DYNC1H1: variants seen among roughly 807,000 people sequenced by gnomAD.
The protein encoded by DYNC1H1 is dynein cytoplasmic 1 heavy chain 1, also known as cytoplasmic dynein 1 heavy chain 1.
DYNC1H1 carries 51 observed loss-of-function variants against 527.1 expected under a neutral mutation model. The observed-to-expected ratio is 0.10, with a 90% CI of 0.08 to 0.12. The LOEUF (loss-of-function observed/expected upper bound fraction) is 0.12. Ranked by LOEUF, DYNC1H1 falls within the 10% of genes least tolerant of loss-of-function variation. The pLI is 1.00. For missense variants in DYNC1H1, 2,771 were observed against 5,971.8 expected (o/e 0.46, Z 17.66); for synonymous variants, 2,189 against 2,278.8 (o/e 0.96, Z 1.12).
intron 16 of DYNC1H1, among the ~76,000 whole-genome samples, chr14:101,998,647 T>C (rs1259102210): frequency 6.6e-6 from 1 of 152,172 alleles, no homozygotes; most frequent in African/African-American, 2.4e-5. Flanking sequence ...AATTGTCCCA[T>C]CCTGCCTGTA....
intron 63 of DYNC1H1, 90 bp from the exon 64 acceptor site, chr14:102,040,508 T>C (rs2048635542): frequency 2.5e-6 from 4 of 1,612,386 alleles, no homozygotes; most frequent in African/African-American, 1.3e-5. Flanking sequence ...ATGTTGTGTC[T>C]GCGCTCTCGC....
Position 102,015,408 on chromosome 14 carries a change from C to A in DYNC1H1, c.7242+76C>A. On this transcript the variant is annotated intron_variant, in intron 35 of 77. Transcript: ENST00000360184. The surrounding 1 kb of genome is among the most constrained non-coding windows in gnomAD (Gnocchi z 6.9). ...TCAGATGTGGTCTCGCTGTGTTGCC[C>A]ACGCTGGTCTTGAACTCCTGGGCCC... is the stretch of plus-strand genomic sequence containing the variant. The A allele has an allele frequency of 6.7e-7, 1 of 1,481,714 alleles. No individual in the cohort carries two copies. The highest frequency in any genetic ancestry group is 1.3e-5 in the South Asian group (1 of 76,308). 91.8% of individuals were successfully genotyped at this position (1,481,714 alleles called of 1,614,324 possible). A position where few individuals can be genotyped will look rare whatever the true frequency, so the allele number is the denominator to read the frequency against.
In DYNC1H1 at chr14:102,005,742, A is replaced by G. The variant is rs2141289457; in HGVS notation, c.5434-146A>G. On this transcript the variant is annotated intron_variant, in intron 26 of 77. Transcript: ENST00000360184. The surrounding 1 kb of genome is among the most constrained non-coding windows in gnomAD (Gnocchi z 4.0). ...TGAGTAACATTTCTCTCATCTCTGAAAGTGAATTTGCCTTTTGGAACATTT... is the reference window on the plus strand; with the variant it reads ...TGAGTAACATTTCTCTCATCTCTGAGAGTGAATTTGCCTTTTGGAACATTT... The G allele has an allele frequency of 1.1e-6, 1 of 941,860 alleles. No individual in the cohort carries two copies. The allele number at this position is 941,860 out of a possible 1,614,324, so 58.3% of individuals were successfully genotyped here.
rs377355880 is a variant in DYNC1H1, at chr14:102,041,761, C to T, written c.12102+27C>T. ...TAATGTCCTGGTACAGCCCGGGCTT[C>T]CCACGAGACTCCATGCCCACCTCCC... On this transcript the variant is annotated intron_variant, in intron 65 of 77. Transcript: ENST00000360184. This position sits in a 1 kb window ranked among gnomAD's most constrained non-coding sequence, Gnocchi z 4.5. 12 of 1,613,426 alleles carry T rather than the reference C, an allele frequency of 7.4e-6. No homozygotes were observed. The African/African-American group carries it at 1.6e-4, about 22-fold the overall frequency.
At chr14:102,024,072 G>T (rs1312265307) in intron 43 of DYNC1H1, among the ~76,000 whole-genome samples, 1 of 152,214 alleles carries the variant, frequency 6.6e-6, no homozygotes, top group Non-Finnish European at 1.5e-5. Flanking sequence ...TTCTGTGTGA[G>T]GGTCGAGCCA....
Position 102,044,532 on chromosome 14 carries a change from A to C in DYNC1H1, c.12902+41A>C, listed in dbSNP as rs755300427. On this transcript the variant is annotated intron_variant, in intron 71 of 77. Transcript: ENST00000360184. The surrounding 1 kb of genome is among the most constrained non-coding windows in gnomAD (Gnocchi z 7.1). ...CTGGAATGGAGACAGTTGTGATGTC[A>C]GGGCGTCTGGTGTCACTCAGAGGTG... 1 of 1,614,106 alleles carries C rather than the reference A, an allele frequency of 6.2e-7. No individual in the cohort carries two copies. Among genetic ancestry groups the C allele is most frequent in the Non-Finnish European group, 8.5e-7 (1 of 1,179,984 alleles).
rs775651372 is a variant in DYNC1H1, at chr14:101,986,509, C to G, written c.2284C>G (p.Leu762Val). 1 of 1,614,206 alleles carries G rather than the reference C, an allele frequency of 6.2e-7. No individual in the cohort carries two copies. The highest frequency in any genetic ancestry group is 1.7e-5 in the Admixed American group (1 of 60,018). The stretch of plus-strand genomic sequence containing the variant: ...CAAATGGCTTGGTTTCCGCGTCCCA[C>G]TGGCGATTGTGAACAAAGCCCATCA... The part of the protein sequence containing the change: ...NLKWLGFRVP[L>V]AIVNKAHQAN... The change falls in exon 8 of 78, where the codon CTG (leucine) becomes GTG (valine). Residue 762 changes from leucine (L) to valine (V), a missense_variant. Leu to Val is a conservative substitution (Grantham distance 32). Coordinates refer to ENST00000360184, the MANE Select transcript of DYNC1H1 (RefSeq NM_001376.5). This position sits in a 1 kb window ranked among gnomAD's most constrained non-coding sequence, Gnocchi z 8.7.
rs145584709 is a variant in DYNC1H1 at position 101,975,890 on chromosome 14, C to A, written c.344+91C>A. ...TTCTTTTCAAACTCAGAAATTCTTA[C>A]TAAGAGAATTAATATAAATCTTTTT... On this transcript the variant is annotated intron_variant, in intron 2 of 77. Transcript: ENST00000360184. 3.5e-4 allele frequency: 354 copies of A among 1,009,224 alleles called. 1 individual carries two copies. In the African/African-American group the frequency reaches 5.3e-3, roughly 15 times the overall value. The allele number at this position is 1,009,224 out of a possible 1,614,324, so 62.5% of individuals were successfully genotyped here. A position where few individuals can be genotyped will look rare whatever the true frequency, so the allele number is the denominator to read the frequency against.
At position 102,017,300 on chromosome 14, in the gene DYNC1H1, T is replaced by A. The variant is rs766505305; in HGVS notation, c.8055+6T>A. On this transcript the variant is annotated splice_donor_region_variant and intron_variant, in intron 39 of 77. Coordinates refer to ENST00000360184, the MANE Select transcript of DYNC1H1 (RefSeq NM_001376.5). This position sits in a 1 kb window ranked among gnomAD's most constrained non-coding sequence, Gnocchi z 4.6. ...TCATATCCTTCATCAGACAGGTTTG[T>A]TTCTATCCACAAGGCCCTTCCTGCC... 6.8e-6 allele frequency: 11 copies of A among 1,614,234 alleles called. No individual in the cohort carries two copies. Among genetic ancestry groups the A allele is most frequent in the Non-Finnish European group, 9.3e-6 (11 of 1,180,038 alleles).
chr14:102,007,472 GA>G (rs1199937137), intron 28 of DYNC1H1, among the ~76,000 whole-genome samples: 1 of 152,166 alleles, frequency 6.6e-6, no homozygotes, highest in Non-Finnish European at 1.5e-5. Flanking sequence ...TTGTCATTGA[GA>G]TTTTTTTGGC....
rs577383998 is a variant in DYNC1H1, at chr14:102,002,461, G to A, written c.4543-76G>A. ...ATTACTTCATGAGATCCTGATCTGCGCTTTTTCAGTGAGTTTTGGCATATC... is the reference window on the plus strand; with the variant it reads ...ATTACTTCATGAGATCCTGATCTGCACTTTTTCAGTGAGTTTTGGCATATC... On this transcript the variant is annotated intron_variant, in intron 21 of 77. Coordinates refer to ENST00000360184, the MANE Select transcript of DYNC1H1 (RefSeq NM_001376.5). The surrounding 1 kb of genome is among the most constrained non-coding windows in gnomAD (Gnocchi z 4.4). The A allele has an allele frequency of 1.8e-5, 29 of 1,583,356 alleles. No individual in the cohort carries two copies. Among genetic ancestry groups the A allele is most frequent in the Middle Eastern group, 1.9e-4 (1 of 5,220 alleles).
Position 102,033,258 on chromosome 14 carries a change from G to T in DYNC1H1, c.10198-11G>T. Reference sequence around the variant, plus strand: ...TCACTTAAATAACAGTTATCAATTGGTTCTTCCCAGCTTAACTATGCAGAC... The same window carrying T: ...TCACTTAAATAACAGTTATCAATTGTTTCTTCCCAGCTTAACTATGCAGAC... On this transcript the variant is annotated splice_polypyrimidine_tract_variant and intron_variant, in intron 53 of 77. Transcript: ENST00000360184. The surrounding 1 kb of genome is among the most constrained non-coding windows in gnomAD (Gnocchi z 5.6). 1 of 1,614,162 alleles carries T rather than the reference G, an allele frequency of 6.2e-7. No individual in the cohort carries two copies. The highest frequency in any genetic ancestry group is 8.5e-7 in the Non-Finnish European group (1 of 1,180,030).
rs2048801270 is a variant in DYNC1H1 at position 102,050,917 on chromosome 14, C to T, written c.*354C>T. 1 of 362,644 alleles carries T rather than the reference C, an allele frequency of 2.8e-6. No homozygotes were observed. The highest frequency in any genetic ancestry group is 2.1e-5 in the African/African-American group (1 of 47,292). The allele number at this position is 362,644 out of a possible 1,614,324, so 22.5% of individuals were successfully genotyped here. The stretch of plus-strand genomic sequence containing the variant: ...CCACCTCGCTTTCATCATGAGCTCG[C>T]TCCCGAGCGGCCACAGCACTCATGA... On this transcript the variant is annotated 3_prime_UTR_variant, in exon 78 of 78. Transcript: ENST00000360184.
In DYNC1H1 at chr14:102,005,825, C is replaced by T; in HGVS notation, c.5434-63C>T. ...CAATTTCAGTTTAACAGTCCACAAACCCGGAGAATGCACTGTATTGCTTTA... is the reference window on the plus strand; with the variant it reads ...CAATTTCAGTTTAACAGTCCACAAATCCGGAGAATGCACTGTATTGCTTTA... On this transcript the variant is annotated intron_variant, in intron 26 of 77. Transcript: ENST00000360184. This position sits in a 1 kb window ranked among gnomAD's most constrained non-coding sequence, Gnocchi z 4.0. 1 of 1,603,686 alleles carries T rather than the reference C, an allele frequency of 6.2e-7. No homozygotes were observed. The highest frequency in any genetic ancestry group is 8.5e-7 in the Non-Finnish European group (1 of 1,171,584).
intron 11 of DYNC1H1, 117 bp downstream of exon 11, chr14:101,991,790 GA>G: frequency 6.9e-7 from 1 of 1,447,742 alleles, no homozygotes; most frequent in Non-Finnish European, 9.5e-7. Flanking sequence ...ACAAACTCCA[GA>G]CATCCCAGGG....
chr14:102,044,124 G>C lies in DYNC1H1; in HGVS notation c.12684+79G>C, dbSNP rs1595633160. On this transcript the variant is annotated intron_variant, in intron 70 of 77. Transcript: ENST00000360184. The surrounding 1 kb of genome is among the most constrained non-coding windows in gnomAD (Gnocchi z 7.1). ...TGCAGGGCGTGGTGCTGAGAGGCCA[G>C]ACTCTGCGTGGAAGAGCGAGCTGAC... 6.3e-7 allele frequency: 1 copy of C among 1,594,926 alleles called. No homozygotes were observed. Among genetic ancestry groups the C allele is most frequent in the African/African-American group, 1.3e-5 (1 of 74,598 alleles).
At chr14:101,992,933 T>A (rs948645451) in intron 11 of DYNC1H1, among the ~76,000 whole-genome samples, 3 of 152,298 alleles carry the variant, frequency 2.0e-5, no homozygotes, top group African/African-American at 7.2e-5. Context: ...TCCTGTGCAC[T>A]CTCATTGTGG....
At position 102,050,576 on chromosome 14, in the gene DYNC1H1, G is replaced by T. The variant is rs750346749; in HGVS notation, c.*13G>T. The T allele has an allele frequency of 1.2e-6, 2 of 1,614,146 alleles. No individual in the cohort carries two copies. The highest frequency in any genetic ancestry group is 1.7e-6 in the Non-Finnish European group (2 of 1,180,016). On this transcript the variant is annotated 3_prime_UTR_variant, in exon 78 of 78. Coordinates refer to ENST00000360184, the MANE Select transcript of DYNC1H1 (RefSeq NM_001376.5). ...GTGCACAGAGTAAACTTTTCTAGCTGCCCCTTTCTGTAATAGTGAAAGTTG... is the reference window on the plus strand; with the variant it reads ...GTGCACAGAGTAAACTTTTCTAGCTTCCCCTTTCTGTAATAGTGAAAGTTG...
At chr14:101,976,508 C>G (rs1238003269) in intron 2 of DYNC1H1, among the ~76,000 whole-genome samples, 3 of 151,242 alleles carry the variant, frequency 2.0e-5, no homozygotes, top group Non-Finnish European at 4.4e-5. Context: ...TGCCATTGCA[C>G]TCCAGCCTTG....
Sources: gnomAD v4.1 joint callset for allele counts (sites outside exome capture counted in the v4.1 genomes callset) on GRCh38, gnomAD v4.1.1 for gene constraint, Gnocchi (gnomAD v3.1) non-coding constraint, MANE v1.5 for transcripts, NCBI Gene and HGNC (gene_info 2026-07-23, HGNC 2026-07-21) for gene names.